Variants in SPHKAP observed in about 807,000 individuals in gnomAD.
SPHKAP encodes the protein A-kinase anchor protein SPHKAP.
In SPHKAP, 67 loss-of-function variants were observed where a neutral mutation model predicts 137.5. The ratio of observed to expected loss-of-function variants is 0.49; its 90% CI spans 0.40 to 0.60. SPHKAP has a LOEUF of 0.60. SPHKAP is among the 20% of genes least tolerant of loss of function. The pLI is 0.00. For missense variants in SPHKAP, 2,097 were observed against 2,069.3 expected, an observed-to-expected ratio of 1.01 and a Z score of -0.26; for synonymous variants, 813 against 785.3, an observed-to-expected ratio of 1.04 and a Z score of -0.59.
intron 1 of SPHKAP, among the ~76,000 whole-genome samples, chr2:228,163,311 TGAGAGAGAGAAAAC>T (rs1700329896): frequency 6.6e-6 from 1 of 151,590 alleles, no homozygotes; most frequent in African/African-American, 2.4e-5. Context: ...GACAGAGAGA[TGAGAGAGAGAAAAC>T]GAGAGAGAGA....
intron 3 of SPHKAP, among the ~76,000 whole-genome samples, chr2:228,070,472 G>T (rs1229034369): frequency 1.3e-5 from 2 of 152,050 alleles, no homozygotes; most frequent in African/African-American, 2.4e-5. Flanking sequence ...GTTTTGAAAT[G>T]ATACCAATTC....
intron 3 of SPHKAP, among the ~76,000 whole-genome samples, chr2:228,056,100 T>C (rs891127401): frequency 5.3e-5 from 8 of 152,368 alleles, no homozygotes; most frequent in African/African-American, 1.7e-4. Flanking sequence ...CTCAAACTAA[T>C]CTTTCTGAAT....
intron 1 of SPHKAP, among the ~76,000 whole-genome samples, chr2:228,154,512 C>CTCTATATATATATATA (rs1393941364): frequency 7.3e-4 from 16 of 22,062 alleles, no homozygotes; most frequent in East Asian, 2.8e-3. Flanking sequence ...CTCTCTCTCT[C>CTCTATATATATATATA]TATATATATA....
At chr2:228,134,432 G>T (rs1437086144) in intron 1 of SPHKAP, among the ~76,000 whole-genome samples, 2 of 152,060 alleles carry the variant, frequency 1.3e-5, no homozygotes, top group African/African-American at 4.8e-5. Context: ...CATGGCTCTG[G>T]AAGTCACTTG....
chr2:228,020,685 G>A (rs1043079688), intron 6 of SPHKAP, among the ~76,000 whole-genome samples: 8 of 152,066 alleles, frequency 5.3e-5, no homozygotes, highest in Non-Finnish European at 1.0e-4. Context: ...CCTGCATGTT[G>A]TGCACATGTA....
At chr2:228,108,650 T>TA (rs1167037828) in intron 3 of SPHKAP, among the ~76,000 whole-genome samples, 182 bp downstream of exon 3, 9 of 152,206 alleles carry the variant, frequency 5.9e-5, no homozygotes, top group Admixed American at 5.9e-4. Context: ...AAAATGGGGA[T>TA]ACAAACATTA....
rs201048288 is a variant in SPHKAP, at chr2:228,017,671, C to A, written c.3183G>T (p.Ala1061=). The change falls in exon 7 of 12, where the codon GCG becomes GCT. Residue 1061 remains alanine (A), a synonymous_variant. Transcript: ENST00000392056. ...EFSMVDGMWQ[A]QGYPRNRLLS... is the part of the protein sequence containing the mutation. The stretch of plus-strand genomic sequence containing the variant: ...GTAACCGATTCCGGGGATAGCCCTG[C>A]GCCTGCCACATGCCGTCCACCATAG... 16 of 1,613,868 alleles carry A rather than the reference C, an allele frequency of 9.9e-6. No homozygotes were observed. The East Asian group carries it at 2.7e-4, about 27-fold the overall frequency.
chr2:228,009,054 T>C (rs1318430003), intron 7 of SPHKAP, among the ~76,000 whole-genome samples: 1 of 152,220 alleles, frequency 6.6e-6, no homozygotes, highest in African/African-American at 2.4e-5. Flanking sequence ...ATCTATAGAT[T>C]CAACTGGGAA....
At chr2:228,142,927 C>A (rs1699650575) in intron 1 of SPHKAP, among the ~76,000 whole-genome samples, 1 of 152,140 alleles carries the variant, frequency 6.6e-6, no homozygotes, top group Non-Finnish European at 1.5e-5. Flanking sequence ...TGAAAACCAC[C>A]TGCCCATACT....
chr2:228,039,459 G>C (rs1261929342), intron 3 of SPHKAP, among the ~76,000 whole-genome samples: 1 of 152,096 alleles, frequency 6.6e-6, no homozygotes, highest in African/African-American at 2.4e-5. Context: ...AGTATTATGG[G>C]TTATTAGCCA....
At chr2:228,101,569 G>A (rs956032825) in intron 3 of SPHKAP, among the ~76,000 whole-genome samples, 2 of 152,124 alleles carry the variant, frequency 1.3e-5, no homozygotes, top group Non-Finnish European at 2.9e-5. Context: ...CTGTGTGTAG[G>A]CACTCTTCTA....
chr2:228,010,059 G>T (rs1057124869), intron 7 of SPHKAP, among the ~76,000 whole-genome samples: 3 of 152,088 alleles, frequency 2.0e-5, no homozygotes, highest in African/African-American at 7.2e-5. Flanking sequence ...TCACCTCATT[G>T]TGCCCACTGA....
In SPHKAP at chr2:228,021,747, A is replaced by G; in HGVS notation, c.661T>C (p.Leu221=). Residue 221 remains leucine (L), a synonymous_variant, in exon 6 of 12, where the codon TTG becomes CTG. Coordinates refer to ENST00000392056, the MANE Select transcript of SPHKAP (RefSeq NM_001142644.2). ...EEDFLTASEH[L]EEESEVDESR... is the part of the protein sequence containing the mutation. ...TCATCCACCTCGCTTTCCTCCTCCA[A>G]GTGCTCAGAAGCGGTGAGAAAGTCT... 6.2e-7 allele frequency: 1 copy of G among 1,614,018 alleles called. No homozygotes were observed. Among genetic ancestry groups the G allele is most frequent in the Non-Finnish European group, 8.5e-7 (1 of 1,179,976 alleles).
rs1043773978 is a variant in SPHKAP at position 228,129,927 on chromosome 2, G to C, written c.138+2053C>G. Among the ~76,000 whole-genome samples the C allele has an allele frequency of 5.9e-5, 9 of 151,618 alleles. No individual in the cohort carries two copies. The East Asian group carries it at 1.8e-3, about 30-fold the overall frequency. On this transcript the variant is annotated intron_variant, in intron 2 of 11. Coordinates refer to ENST00000392056, the MANE Select transcript of SPHKAP (RefSeq NM_001142644.2). Reference sequence around the variant, plus strand: ...TTCTCTTGTCTCAACCGCCCGAGTAGCTGGGACTACAGGCACCTGCCACCA... The same window carrying C: ...TTCTCTTGTCTCAACCGCCCGAGTACCTGGGACTACAGGCACCTGCCACCA...
chr2:228,131,688 G>T, intron 2 of SPHKAP: 2 of 600,678 alleles, frequency 3.3e-6, no homozygotes, highest in Non-Finnish European at 2.1e-6. Flanking sequence ...TCTGAAAGGA[G>T]ATGCAAGAAA....
chr2:227,996,037 TTA>T, intron 7 of SPHKAP: 1 of 985,218 alleles, frequency 1.0e-6, no homozygotes, highest in Non-Finnish European at 1.2e-6. Flanking sequence ...ACCCGAGAGA[TTA>T]TGATTCAGTG....
At chr2:228,030,253 C>T (rs555914651) in intron 3 of SPHKAP, among the ~76,000 whole-genome samples, 171 of 149,906 alleles carry the variant, frequency 1.1e-3, no homozygotes, top group Non-Finnish European at 2.2e-3. Context: ...CGGTGGCTCA[C>T]GCCTGTAATC....
In SPHKAP at chr2:227,991,169, G is replaced by A. The variant is rs748254156; in HGVS notation, c.4790C>T (p.Pro1597Leu). The change falls in exon 11 of 12, where the codon CCG (proline) becomes CTG (leucine). Residue 1597 changes from proline to leucine, a missense_variant. Pro to Leu is a moderately conservative substitution (Grantham distance 98, BLOSUM62 -3). Transcript: ENST00000392056. The stretch of plus-strand genomic sequence containing the variant: ...CTGGGGGCTGGCTGTTCCCGTAGGC[G>A]GTCCAGATGCAGGTGCTGAGAACAG... Reference protein sequence around the residue: ...SESTEAPASGPPTGTASPQRS... With the variant: ...SESTEAPASGLPTGTASPQRS... 68 of 1,613,862 alleles carry A rather than the reference G, an allele frequency of 4.2e-5. No homozygotes were observed. Among genetic ancestry groups the A allele is most frequent in the Middle Eastern group, 3.3e-4 (2 of 6,084 alleles).
intron 1 of SPHKAP, among the ~76,000 whole-genome samples, chr2:228,137,206 C>T (rs1040960797): frequency 6.6e-6 from 1 of 152,154 alleles, no homozygotes; most frequent in African/African-American, 2.4e-5. Flanking sequence ...TTGTCTCTTT[C>T]CAGTTTAGGC....
Sources: allele counts gnomAD v4.1 joint callset (sites outside exome capture counted in the v4.1 genomes callset), GRCh38; gene constraint gnomAD v4.1.1; transcripts MANE v1.5; gene names NCBI Gene and HGNC (gene_info 2026-07-23, HGNC 2026-07-21).